NR4A1: variants seen among roughly 807,000 people sequenced by gnomAD.
NR4A1 encodes nuclear receptor subfamily 4 group A member 1, also known as nuclear receptor subfamily 4immunitygroup A member 1.
A neutral mutation model predicts 47.5 loss-of-function variants in NR4A1; 24 were observed. That is an observed-to-expected ratio of 0.50 (90% CI 0.37 to 0.71). NR4A1 has a LOEUF of 0.71. Ranked by LOEUF, NR4A1 falls within the 30% of genes least tolerant of loss-of-function variation. The pLI, the probability that NR4A1 is intolerant of heterozygous loss-of-function variation, is 0.00. For synonymous variants in NR4A1, 353 were observed against 345.7 expected (o/e 1.02, Z -0.24); for missense variants, 669 against 788.6 (o/e 0.85, Z 1.82).
chr12:52,055,829 C>A (rs1939231347), intron 2 of NR4A1: 2 of 469,346 alleles, frequency 4.3e-6, no homozygotes, highest in Non-Finnish European at 7.5e-6. Flanking sequence ...GAGAAACCTC[C>A]CCCAATGTCT....
chr12:52,054,670 C>G lies in NR4A1; in HGVS notation c.342C>G (p.Gly114=). The change falls in exon 2 of 7, where the codon GGC becomes GGG. Residue 114 remains glycine, a synonymous_variant. Coordinates refer to ENST00000394825, the MANE Select transcript of NR4A1 (RefSeq NM_173157.3). ...TCCAGGTGTACGGCTGCTACCCCGG[C>G]CCCCTGAGCGGCCCAGTGGATGAGG... ...EDFQVYGCYP[G]PLSGPVDEAL... is the part of the protein sequence containing the mutation. 1 of 1,614,022 alleles carries G rather than the reference C, an allele frequency of 6.2e-7. No individual in the cohort carries two copies.
intron 1 of NR4A1, chr12:52,053,458 C>T (rs1027541858): frequency 6.6e-6 from 1 of 152,004 alleles, no homozygotes; most frequent in African/African-American, 2.4e-5. Flanking sequence ...GCAGAACATT[C>T]TTTTTAGGTA....
In NR4A1 at chr12:52,058,845, C is replaced by T. The variant is rs1939414636; in HGVS notation, c.1698C>T (p.Cys566=). Residue 566 remains cysteine (C), a synonymous_variant, in exon 7 of 7, where the codon TGC becomes TGT. Coordinates refer to ENST00000394825, the MANE Select transcript of NR4A1 (RefSeq NM_173157.3). ...AACTGCCCGAGCTGCGGACCCTGTG[C>T]ACCCAGGGCCTGCAGCGCATCTTCT... ...LGKLPELRTL[C]TQGLQRIFYL... is the part of the protein sequence containing the mutation. 1 of 1,614,052 alleles carries T rather than the reference C, an allele frequency of 6.2e-7. No individual in the cohort carries two copies. The highest frequency in any genetic ancestry group is 1.1e-5 in the South Asian group (1 of 91,088).
At chr12:52,040,564 G>A (rs1938395873) in intron 1 of NR4A1, among the ~76,000 whole-genome samples, 1 of 152,154 alleles carries the variant, frequency 6.6e-6, no homozygotes, top group South Asian at 2.1e-4. Context: ...GGGGTTAAAG[G>A]TGCTCCAGAT....
chr12:52,039,344 CG>C (rs1938354534), intron 1 of NR4A1, among the ~76,000 whole-genome samples: 1 of 152,184 alleles, frequency 6.6e-6, no homozygotes, highest in African/African-American at 2.4e-5. Context: ...GGCCTGTCAG[CG>C]GTGTCCTGTT....
chr12:52,052,602 T>C, intron 1 of NR4A1: 4 of 985,746 alleles, frequency 4.1e-6, no homozygotes, highest in Non-Finnish European at 4.8e-6. Flanking sequence ...ACCCCGCCTC[T>C]TCCTCCTCCT....
At chr12:52,043,670 C>T (rs1203527196) in intron 2 of NR4A1, 2 of 1,199,028 alleles carry the variant, frequency 1.7e-6, no homozygotes, top group Non-Finnish European at 2.1e-6. Context: ...CAGAGGCCGG[C>T]TCTGGTTTCT....
intron 1 of NR4A1, 85 bp from the exon 2 acceptor site, chr12:52,054,242 T>C: frequency 8.2e-7 from 1 of 1,213,388 alleles, no homozygotes; most frequent in Non-Finnish European, 1.1e-6. Context: ...ACCTTGCTGC[T>C]CTGGGGCCCA....
At chr12:52,055,653 G>A (rs1388364097) in intron 2 of NR4A1, 5 of 374,384 alleles carry the variant, frequency 1.3e-5, no homozygotes, top group African/African-American at 4.1e-5. Flanking sequence ...TTGTCCCAGC[G>A]ATGGTGCCTG....
At chr12:52,041,375 T>G (rs902661343) in intron 1 of NR4A1, among the ~76,000 whole-genome samples, 1 of 152,092 alleles carries the variant, frequency 6.6e-6, no homozygotes, top group Non-Finnish European at 1.5e-5. Flanking sequence ...GTGGAGCCCC[T>G]GTCTCTTGGG....
intron 1 of NR4A1, among the ~76,000 whole-genome samples, chr12:52,028,202 CAAAAAAAAAAA>C (rs34072500): frequency 3.5e-3 from 217 of 61,806 alleles, no homozygotes; most frequent in African/African-American, 0.014. Flanking sequence ...ACCCTGTCTC[CAAAAAAAAAAA>C]AAAAAAAAAA....
chr12:52,046,407 AT>A (rs1938643429), upstream of NR4A1, among the ~76,000 whole-genome samples: 1 of 152,074 alleles, frequency 6.6e-6, no homozygotes, highest in Non-Finnish European at 1.5e-5. Flanking sequence ...TACATGATAA[AT>A]CCCTGGGCCC....
upstream of NR4A1, among the ~76,000 whole-genome samples, chr12:52,050,512 T>C (rs78489578): frequency 1.2e-3 from 178 of 152,346 alleles, 4 homozygotes; most frequent in East Asian, 0.03. Context: ...TTGAAAAGAT[T>C]TCTCAGGCTC....
Position 52,051,587 on chromosome 12 carries a change from A to G in NR4A1, c.-3+19A>G, listed in dbSNP as rs573544344. ...CGGCCGGGTAGGTTCCCTTCGGGGA[A>G]CGTGCATCTGTTTTTAGGAGCGGTG... is the stretch of plus-strand genomic sequence containing the variant. On this transcript the variant is annotated intron_variant, in intron 1 of 6. Coordinates refer to ENST00000394825, the MANE Select transcript of NR4A1 (RefSeq NM_173157.3). 25 of 985,662 alleles carry G rather than the reference A, an allele frequency of 2.5e-5. No individual in the cohort carries two copies. In the African/African-American group the frequency reaches 3.8e-4, roughly 15 times the overall value. The allele number at this position is 985,662 out of a possible 1,614,324, so 61.1% of individuals were successfully genotyped here.
chr12:52,051,121 G>T (rs753501187), upstream of NR4A1, among the ~76,000 whole-genome samples: 10 of 152,230 alleles, frequency 6.6e-5, no homozygotes, highest in Non-Finnish European at 1.5e-4. Flanking sequence ...CCGGTGCGGG[G>T]AGCCTAGTGG....
chr12:52,051,245 A>G (rs754789148), upstream of NR4A1, among the ~76,000 whole-genome samples: 19 of 151,648 alleles, frequency 1.3e-4, no homozygotes, highest in Non-Finnish European at 2.5e-4. Flanking sequence ...GCGCGCAGAC[A>G]TTCCAGGCCC....
intron 1 of NR4A1, among the ~76,000 whole-genome samples, chr12:52,040,976 G>A (rs1333571686): frequency 6.6e-6 from 1 of 152,128 alleles, no homozygotes; most frequent in East Asian, 1.9e-4. Context: ...GCTGAATGGG[G>A]TTGGGGGAGA....
intron 2 of NR4A1, among the ~76,000 whole-genome samples, chr12:52,045,172 G>A (rs1448422027): frequency 1.3e-5 from 2 of 152,202 alleles, no homozygotes; most frequent in African/African-American, 4.8e-5. Flanking sequence ...CCCAGGAGTG[G>A]GAGAAGTAGA....
intron 1 of NR4A1, among the ~76,000 whole-genome samples, chr12:52,041,652 A>G (rs1938442729): frequency 6.6e-6 from 1 of 152,150 alleles, no homozygotes; most frequent in African/African-American, 2.4e-5. Flanking sequence ...CCAGGCTCCA[A>G]TGCCTAACCC....
Sources: allele counts gnomAD v4.1 joint callset (sites outside exome capture counted in the v4.1 genomes callset), GRCh38; gene constraint gnomAD v4.1.1; transcripts MANE v1.5; gene names NCBI Gene and HGNC (gene_info 2026-07-23, HGNC 2026-07-21).